EIF2AK4: variants seen among roughly 807,000 people sequenced by gnomAD.
EIF2AK4 encodes eukaryotic translation initiation factor 2 alpha kinase 4, also known as eIF-2-alpha kinase GCN2.
In EIF2AK4, 139 loss-of-function variants were observed where a neutral mutation model predicts 211.1. That is an observed-to-expected ratio of 0.66 (90% CI 0.57 to 0.76). The LOEUF is 0.76. Among genes scored for constraint, EIF2AK4 ranks in the 30% least tolerant of loss-of-function variants. The probability of loss-of-function intolerance (pLI) is 0.00; values close to 1 mark genes in which losing one functional copy is unlikely to be tolerated. For synonymous variants in EIF2AK4, 710 were observed against 751.3 expected (o/e 0.94, Z 0.90); for missense variants, 1,664 against 2,043.8 (o/e 0.81, Z 3.58).
At position 39,943,475 on chromosome 15, in the gene EIF2AK4, A is replaced by T. The variant is rs765147009; in HGVS notation, c.350A>T (p.His117Leu). 1 of 1,579,080 alleles carries T rather than the reference A, an allele frequency of 6.3e-7. No homozygotes were observed. The change falls in exon 3 of 39, where the codon CAC becomes CTC. Residue 117 changes from histidine to leucine, a missense_variant. Coordinates refer to ENST00000263791, the MANE Select transcript of EIF2AK4 (RefSeq NM_001013703.4). ...KSRLEELAKK[H>L]CGEVMIFELA... is the part of the protein sequence containing the mutation. ...CGCCTAGAAGAACTGGCCAAGAAAC[A>T]CTGTGGGGAGGTAAGATTTGTTAAA...
intron 18 of EIF2AK4, among the ~76,000 whole-genome samples, chr15:39,995,402 G>A (rs1182864408): frequency 1.3e-5 from 2 of 151,866 alleles, no homozygotes; most frequent in Admixed American, 1.3e-4. Flanking sequence ...GTTTTCCATT[G>A]TCCTGAAAGC....
chr15:39,969,871 C>A (rs945059768), intron 9 of EIF2AK4, among the ~76,000 whole-genome samples: 4 of 152,162 alleles, frequency 2.6e-5, no homozygotes, highest in Admixed American at 2.6e-4. Flanking sequence ...TATTAGTGAA[C>A]ACCCTTTGGA....
rs144951861 is a variant in EIF2AK4, at chr15:39,976,313, A to G, written c.1819-101A>G. 32 of 1,311,350 alleles carry G rather than the reference A, an allele frequency of 2.4e-5. No homozygotes were observed. In the African/African-American group the frequency reaches 4.2e-4, roughly 17 times the overall value. The allele number at this position is 1,311,350 out of a possible 1,614,324, so 81.2% of individuals were successfully genotyped here. On this transcript the variant is annotated intron_variant, in intron 11 of 38. Coordinates refer to ENST00000263791, the MANE Select transcript of EIF2AK4 (RefSeq NM_001013703.4). ...GTTCTTGACTGTAGCTGTGGGACTCATTTAGAACTTCACGCTTTCCTTGGG... is the reference window on the plus strand; with the variant it reads ...GTTCTTGACTGTAGCTGTGGGACTCGTTTAGAACTTCACGCTTTCCTTGGG...
chr15:39,986,625 G>C (rs1022393719), intron 14 of EIF2AK4, among the ~76,000 whole-genome samples: 2 of 152,240 alleles, frequency 1.3e-5, no homozygotes, highest in Non-Finnish European at 2.9e-5. Flanking sequence ...AGGCCGAGGC[G>C]GGTGGATCAC....
At chr15:39,972,598 C>T (rs963571375) in intron 9 of EIF2AK4, among the ~76,000 whole-genome samples, 4 of 152,060 alleles carry the variant, frequency 2.6e-5, no homozygotes, top group African/African-American at 9.7e-5. Flanking sequence ...AACTGTTCAT[C>T]GAGGTGAAAA....
intron 33 of EIF2AK4, 131 bp downstream of exon 33, chr15:40,026,220 C>G: frequency 1.3e-6 from 1 of 761,666 alleles, no homozygotes; most frequent in Non-Finnish European, 2.1e-6. Flanking sequence ...TTTGGGAGGC[C>G]AAGTTTGGGG....
At chr15:40,005,681 C>T (rs2035151306) in intron 23 of EIF2AK4, among the ~76,000 whole-genome samples, 2 of 151,506 alleles carry the variant, frequency 1.3e-5, no homozygotes, top group Non-Finnish European at 1.5e-5. Context: ...ACGCCATTCT[C>T]CTGCCTCACC....
intron 1 of EIF2AK4, among the ~76,000 whole-genome samples, chr15:39,937,037 G>A (rs956141922): frequency 6.6e-6 from 1 of 151,960 alleles, no homozygotes; most frequent in African/African-American, 2.4e-5. Context: ...ATTTTGAGGT[G>A]CATGCTAAAA....
intron 6 of EIF2AK4, among the ~76,000 whole-genome samples, chr15:39,960,782 G>A (rs978330349): frequency 1.3e-5 from 2 of 152,142 alleles, no homozygotes; most frequent in Non-Finnish European, 2.9e-5. Flanking sequence ...ATGGGACTGA[G>A]GACAGGGGTA....
At chr15:40,015,574 A>G (rs8028580) in intron 27 of EIF2AK4, among the ~76,000 whole-genome samples, 93,542 of 152,056 alleles carry the variant, frequency 0.62, 29,169 homozygotes, top group African/African-American at 0.71. Context: ...TGGGAATTGT[A>G]GGAGCTACAA....
chr15:40,012,108 G>C (rs1352947469), intron 27 of EIF2AK4, among the ~76,000 whole-genome samples: 1 of 152,152 alleles, frequency 6.6e-6, no homozygotes, highest in African/African-American at 2.4e-5. Context: ...ATATGGGATA[G>C]ATTAAAATAT....
At chr15:39,999,648 TTG>T (rs749298333) in intron 20 of EIF2AK4, among the ~76,000 whole-genome samples, 185 of 152,322 alleles carry the variant, frequency 1.2e-3, no homozygotes, top group Admixed American at 2.0e-3. Context: ...AGCACTAACA[TTG>T]TGTCATTTGG....
intron 6 of EIF2AK4, among the ~76,000 whole-genome samples, chr15:39,959,959 C>G (rs112702133): frequency 5.3e-5 from 8 of 152,036 alleles, no homozygotes; most frequent in African/African-American, 1.4e-4. Flanking sequence ...GTCAGGAGAT[C>G]GAGACCAGCC....
At chr15:40,002,690 T>A in intron 21 of EIF2AK4, 23 bp from the exon 22 acceptor site, 1 of 1,612,966 alleles carries the variant, frequency 6.2e-7, no homozygotes, top group Non-Finnish European at 8.5e-7. Flanking sequence ...TCAATGATGA[T>A]GTTTTAATCG....
intron 3 of EIF2AK4, among the ~76,000 whole-genome samples, chr15:39,948,887 C>T (rs2034265515): frequency 1.3e-5 from 2 of 152,080 alleles, no homozygotes; most frequent in South Asian, 2.1e-4. Context: ...TTTTTATTTA[C>T]CTAGGTAATG....
intron 9 of EIF2AK4, among the ~76,000 whole-genome samples, chr15:39,970,344 C>T (rs1183919232): frequency 6.6e-6 from 1 of 152,124 alleles, no homozygotes; most frequent in African/African-American, 2.4e-5. Flanking sequence ...TCCAGATTTA[C>T]TTTCAAGTCA....
intron 17 of EIF2AK4, 68 bp downstream of exon 17, chr15:39,992,297 G>GT: frequency 1.5e-6 from 2 of 1,355,088 alleles, no homozygotes; most frequent in Non-Finnish European, 1.0e-6. Context: ...CCTGAAACCT[G>GT]TTTTTTACTT....
chr15:39,953,145 C>T (rs1406976096), intron 4 of EIF2AK4, among the ~76,000 whole-genome samples: 2 of 152,092 alleles, frequency 1.3e-5, no homozygotes, highest in Admixed American at 1.3e-4. Flanking sequence ...CGCACCCTGC[C>T]GGGAGTCTGT....
intron 4 of EIF2AK4, among the ~76,000 whole-genome samples, chr15:39,952,263 G>A (rs1277219381): frequency 6.7e-6 from 1 of 148,578 alleles, no homozygotes; most frequent in Non-Finnish European, 1.5e-5. Context: ...AGGGCTGTTT[G>A]TTTTTGTTTT....
Sources: gnomAD v4.1 joint callset for allele counts (sites outside exome capture counted in the v4.1 genomes callset) on GRCh38, gnomAD v4.1.1 for gene constraint, MANE v1.5 for transcripts, NCBI Gene and HGNC (gene_info 2026-07-23, HGNC 2026-07-21) for gene names.